The following PRKD1 variants were observed in gnomAD, a reference collection of about 807,000 sequenced individuals.
PRKD1 encodes serine/threonine-protein kinase D1.
In PRKD1, 63 loss-of-function variants were observed where a neutral mutation model predicts 95.9. That is an observed-to-expected ratio of 0.66 (90% CI 0.54 to 0.81). The LOEUF (loss-of-function observed/expected upper bound fraction) is 0.81, where lower values mean the gene tolerates loss of function less well. PRKD1 is among the 30% of genes least tolerant of loss of function. The pLI is 0.00. For synonymous variants in PRKD1, 425 were observed against 423.1 expected, an observed-to-expected ratio of 1.00 and a Z score of -0.05; for missense variants, 1,048 against 1,165.3, an observed-to-expected ratio of 0.90 and a Z score of 1.47.
chr14:29,821,517 G>T (rs1890909966), intron 1 of PRKD1, among the ~76,000 whole-genome samples: 1 of 152,140 alleles, frequency 6.6e-6, no homozygotes, highest in Admixed American at 6.5e-5. Context: ...AATAGAGACA[G>T]AGTTCAAGTT....
intron 3 of PRKD1, among the ~76,000 whole-genome samples, chr14:29,664,608 A>C (rs1343150948): frequency 1.3e-5 from 2 of 152,160 alleles, no homozygotes; most frequent in Non-Finnish European, 2.9e-5. Flanking sequence ...TTCCCTCTTC[A>C]CAGACAGAAA....
chr14:29,859,623 A>T (rs1347956251), intron 1 of PRKD1, among the ~76,000 whole-genome samples: 9 of 149,720 alleles, frequency 6.0e-5, no homozygotes, highest in East Asian at 3.9e-4. Flanking sequence ...AAAAAAAAAA[A>T]TCTGACAGTA....
chr14:29,743,947 T>C (rs1185787567), intron 1 of PRKD1, among the ~76,000 whole-genome samples: 1 of 152,200 alleles, frequency 6.6e-6, no homozygotes, highest in African/African-American at 2.4e-5. Context: ...TTAGTCACTT[T>C]TACTGAACCC....
intron 1 of PRKD1, among the ~76,000 whole-genome samples, chr14:29,823,354 C>A (rs923334740): frequency 6.6e-5 from 10 of 152,252 alleles, no homozygotes; most frequent in African/African-American, 2.4e-4. Flanking sequence ...AGTGAATTCA[C>A]AAGCTGTTAT....
intron 1 of PRKD1, among the ~76,000 whole-genome samples, chr14:29,788,778 TA>T (rs1464755682): frequency 1.6e-4 from 25 of 152,146 alleles, no homozygotes; most frequent in African/African-American, 5.5e-4. Context: ...TTATGATATC[TA>T]GCCTTTGCTG....
At chr14:29,849,617 G>A (rs945910683) in intron 1 of PRKD1, among the ~76,000 whole-genome samples, 8 of 150,098 alleles carry the variant, frequency 5.3e-5, no homozygotes, top group African/African-American at 2.0e-4. Flanking sequence ...CTAAACAGAT[G>A]GATTAACAGC....
chr14:29,710,882 T>A (rs1318384823), intron 2 of PRKD1, among the ~76,000 whole-genome samples: 1 of 152,120 alleles, frequency 6.6e-6, no homozygotes, highest in African/African-American at 2.4e-5. Context: ...TAGGGTTTTA[T>A]CATCTATGAA....
chr14:29,796,256 T>C (rs1889811206), intron 1 of PRKD1, among the ~76,000 whole-genome samples: 1 of 152,210 alleles, frequency 6.6e-6, no homozygotes, highest in African/African-American at 2.4e-5. Context: ...TTCTCTATCT[T>C]ATTTTGTCTA....
At chr14:29,621,256 T>C (rs1246543975) in intron 13 of PRKD1, among the ~76,000 whole-genome samples, 1 of 151,344 alleles carries the variant, frequency 6.6e-6, no homozygotes, top group Non-Finnish European at 1.5e-5. Flanking sequence ...GATGAGTTAA[T>C]GGGTGCAGCA....
At chr14:29,767,742 G>A (rs972299210) in intron 1 of PRKD1, among the ~76,000 whole-genome samples, 1 of 152,158 alleles carries the variant, frequency 6.6e-6, no homozygotes, top group African/African-American at 2.4e-5. Context: ...CTGAAAATCA[G>A]TCAACAAACA....
chr14:29,747,501 T>C (rs536503862), intron 1 of PRKD1, among the ~76,000 whole-genome samples: 2 of 152,258 alleles, frequency 1.3e-5, no homozygotes, highest in African/African-American at 4.8e-5. Flanking sequence ...TGCACACACA[T>C]GTTCATAGCA....
rs756986441 is a variant in PRKD1 at position 29,725,646 on chromosome 14, T to C, written c.293A>G (p.Tyr98Cys). The C allele has an allele frequency of 4.3e-6, 7 of 1,613,576 alleles. No homozygotes were observed. Among genetic ancestry groups the C allele is most frequent in the East Asian group, 4.5e-5 (2 of 44,884 alleles). The change falls in exon 2 of 18, where the codon TAT becomes TGT. Residue 98 changes from tyrosine (Y) to cysteine (C), a missense_variant. Tyr to Cys is a radical substitution (Grantham distance 194). Coordinates refer to ENST00000331968, the MANE Select transcript of PRKD1 (RefSeq NM_002742.3). ...ATGGCGAAAAAGCAGGATCTTATCA[T>C]ACATTCCGTAGAAACCACATTCAGG... is the stretch of plus-strand genomic sequence containing the variant. ...KFPECGFYGM[Y>C]DKILLFRHDP...
intron 4 of PRKD1, among the ~76,000 whole-genome samples, chr14:29,640,919 T>C (rs45498497): frequency 0.028 from 4,270 of 152,280 alleles, 181 homozygotes; most frequent in African/African-American, 0.091. Context: ...ACATTTACTA[T>C]ACCATGGTGC....
chr14:29,814,521 C>T (rs1890614997), intron 1 of PRKD1, among the ~76,000 whole-genome samples: 1 of 152,116 alleles, frequency 6.6e-6, no homozygotes, highest in Non-Finnish European at 1.5e-5. Flanking sequence ...GGGCTTTTTC[C>T]CTGCCCTGTC....
chr14:29,651,023 T>C (rs932489103), intron 4 of PRKD1, among the ~76,000 whole-genome samples: 4 of 152,216 alleles, frequency 2.6e-5, no homozygotes, highest in African/African-American at 9.7e-5. Context: ...TCTACTTCAA[T>C]AGTACATTAT....
At chr14:29,889,098 T>G (rs565850381) in intron 1 of PRKD1, among the ~76,000 whole-genome samples, 1 of 152,292 alleles carries the variant, frequency 6.6e-6, no homozygotes, top group Non-Finnish European at 1.5e-5. Flanking sequence ...CTTGAGTCAT[T>G]AATACTACTT....
At chr14:29,709,615 G>T (rs1378621313) in intron 2 of PRKD1, among the ~76,000 whole-genome samples, 2 of 152,144 alleles carry the variant, frequency 1.3e-5, no homozygotes, top group Non-Finnish European at 2.9e-5. Context: ...CCCAAGATCT[G>T]CAGTTGGTAA....
In PRKD1 at chr14:29,599,674, C is replaced by T. The variant is rs200114442; in HGVS notation, c.2049G>A (p.Thr683=). The change falls in exon 14 of 18, where the codon ACG becomes ACA. Residue 683 remains threonine (T), a synonymous_variant. Coordinates refer to ENST00000331968, the MANE Select transcript of PRKD1 (RefSeq NM_002742.3). ...TTCTTACCTGAGTAATTAAAAACTT[C>T]GTTATGTGCTCTGGCAACCTGCCCT... The part of the protein sequence containing the change: ...SEKGRLPEHI[T]KFLITQILVA... 1.4e-5 allele frequency: 22 copies of T among 1,610,756 alleles called. No homozygotes were observed. In the East Asian group the frequency reaches 2.0e-4, roughly 15 times the overall value.
At chr14:29,577,560 CA>C in intron 17 of PRKD1, 104 bp from the exon 18 acceptor site, 4 of 1,091,366 alleles carry the variant, frequency 3.7e-6, no homozygotes, top group Non-Finnish European at 5.4e-6. Context: ...CTTCTCCTTC[CA>C]CTCTAACAGC....
Sources: allele counts gnomAD v4.1 joint callset (sites outside exome capture counted in the v4.1 genomes callset), GRCh38; gene constraint gnomAD v4.1.1; transcripts MANE v1.5; gene names NCBI Gene and HGNC (gene_info 2026-07-23, HGNC 2026-07-21).